The following LMF1 variants were observed in gnomAD, a reference collection of about 807,000 sequenced individuals.
The protein encoded by LMF1 is transmembrane protein 112.
LMF1 carries 68 observed loss-of-function variants against 60.6 expected under a neutral mutation model. The ratio of observed to expected loss-of-function variants is 1.12; its 90% CI spans 0.92 to 1.37. LMF1 has a LOEUF of 1.37. LMF1 is among the 40% of genes most tolerant of loss of function. The pLI is 0.00. For synonymous variants in LMF1, 418 were observed against 324.7 expected, an observed-to-expected ratio of 1.29 and a Z score of -3.09; for missense variants, 948 against 767.2, an observed-to-expected ratio of 1.24 and a Z score of -2.78.
chr16:929,651 G>C (rs1456807338), intron 3 of LMF1, among the ~76,000 whole-genome samples: 1 of 152,172 alleles, frequency 6.6e-6, no homozygotes, highest in Non-Finnish European at 1.5e-5. Flanking sequence ...CGGGGCTGCG[G>C]AATTCATTAC....
intron 1 of LMF1, among the ~76,000 whole-genome samples, chr16:969,347 C>T (rs2072991747): frequency 6.6e-6 from 1 of 151,938 alleles, no homozygotes; most frequent in Non-Finnish European, 1.5e-5. Context: ...AAAATAGTTG[C>T]TTTAAAGAAA....
intron 4 of LMF1, chr16:902,659 GTGTGGGGTGACCTCTGCACTGCC>G (rs1350745315): frequency 6.0e-6 from 1 of 167,626 alleles, no homozygotes; most frequent in Non-Finnish European, 1.3e-5. Context: ...TGTCTCTGCT[GTGTGGGGTGACCTCTGCACTGCC>G]TGTGGGGACG....
At chr16:880,881 G>A (rs898159559) in intron 5 of LMF1, among the ~76,000 whole-genome samples, 4 of 152,264 alleles carry the variant, frequency 2.6e-5, no homozygotes, top group African/African-American at 7.2e-5. Context: ...TGCACGCTCT[G>A]CTTGCCTTTG....
Position 854,246 on chromosome 16 carries a change from C to A in LMF1, c.*286G>T, listed in dbSNP as rs2069125503. ...CTCAACTCCTGTGGGCGGCACAGCC[C>A]CAGGCTGGGCCTCTGGGAGGAGGGT... On this transcript the variant is annotated 3_prime_UTR_variant, in exon 11 of 11. Coordinates refer to ENST00000262301, the MANE Select transcript of LMF1 (RefSeq NM_022773.4). 1 of 634,044 alleles carries A rather than the reference C, an allele frequency of 1.6e-6. No individual in the cohort carries two copies. Among genetic ancestry groups the A allele is most frequent in the Non-Finnish European group, 2.9e-6 (1 of 342,326 alleles). 39.3% of individuals were successfully genotyped at this position (634,044 alleles called of 1,614,324 possible).
At position 957,777 on chromosome 16, in the gene LMF1, C is replaced by G. The variant is rs144112625; in HGVS notation, c.194-3111G>C. Reference sequence around the variant, plus strand: ...AATGGAAGAGACGGCCCAGACACAGCCCCCCTGCCCCCGACCCGACACACA... The same window carrying G: ...AATGGAAGAGACGGCCCAGACACAGGCCCCCTGCCCCCGACCCGACACACA... On this transcript the variant is annotated intron_variant, in intron 1 of 10. Transcript: ENST00000262301. 3.6e-3 allele frequency among the ~76,000 whole-genome samples: 553 copies of G among 152,254 alleles called. 5 individuals carry two copies. The highest frequency in any genetic ancestry group is 0.013 in the African/African-American group (529 of 41,546).
rs914204431 is a variant in LMF1 at position 874,401 on chromosome 16, G to A, written c.898-3060C>T. Among the ~76,000 whole-genome samples the A allele has an allele frequency of 6.6e-6, 1 of 152,152 alleles. No individual in the cohort carries two copies. Among genetic ancestry groups the A allele is most frequent in the African/African-American group, 2.4e-5 (1 of 41,424 alleles). The stretch of plus-strand genomic sequence containing the variant: ...GCCCGCTGTGGGCAGGCGCCTCAGA[G>A]GTTCCAGACCTGAGCTCACCCCCTG... On this transcript the variant is annotated intron_variant, in intron 6 of 10. Transcript: ENST00000262301. This position sits in a 1 kb window ranked among gnomAD's most constrained non-coding sequence, Gnocchi z 4.1.
intron 10 of LMF1, chr16:855,121 C>T (rs182800320): frequency 4.1e-5 from 12 of 293,606 alleles, no homozygotes; most frequent in African/African-American, 1.9e-4. Context: ...CATGGTGTGG[C>T]GTCTCCACCA....
intron 2 of LMF1, chr16:947,557 G>T: frequency 2.2e-6 from 1 of 456,116 alleles, no homozygotes; most frequent in South Asian, 1.5e-5. Flanking sequence ...TCCTGCCCAG[G>T]AAGGAAGCTC....
intron 3 of LMF1, among the ~76,000 whole-genome samples, chr16:929,384 G>A (rs1480904406): frequency 6.6e-6 from 1 of 152,232 alleles, no homozygotes; most frequent in Non-Finnish European, 1.5e-5. Context: ...ACACTCAGGG[G>A]ATGGGGCCAA....
intron 5 of LMF1, among the ~76,000 whole-genome samples, chr16:887,954 G>C (rs905444746): frequency 6.6e-6 from 1 of 152,148 alleles, no homozygotes; most frequent in African/African-American, 2.4e-5. Context: ...CAGATCCAGG[G>C]GACCCCCGCC....
chr16:879,976 A>G (rs994203879), intron 5 of LMF1, among the ~76,000 whole-genome samples: 1 of 152,222 alleles, frequency 6.6e-6, no homozygotes, highest in African/African-American at 2.4e-5. Context: ...TTTACCATCT[A>G]AAAGCAAAGA....
chr16:918,300 C>A (rs984367217), intron 3 of LMF1, among the ~76,000 whole-genome samples: 3 of 152,210 alleles, frequency 2.0e-5, no homozygotes, highest in African/African-American at 7.2e-5. Flanking sequence ...CCGTGACAAC[C>A]AGACTTCCTA....
At chr16:970,001 C>G (rs2073007374) in intron 1 of LMF1, among the ~76,000 whole-genome samples, 1 of 152,296 alleles carries the variant, frequency 6.6e-6, no homozygotes, top group African/African-American at 2.4e-5. Flanking sequence ...GCTGCGCACG[C>G]GGGCCCCGCA....
rs115775024 is a variant in LMF1 at position 957,272 on chromosome 16, C to T, written c.194-2606G>A. Among the ~76,000 whole-genome samples, 128 of 152,334 alleles carry T rather than the reference C, an allele frequency of 8.4e-4. 1 individual carries two copies. The highest frequency in any genetic ancestry group is 3.0e-3 in the African/African-American group (123 of 41,572). The stretch of plus-strand genomic sequence containing the variant: ...GCGGCTTCCTACTGCGTGTAGGAAT[C>T]TGGCTTGGGGTCCATGTCTGTGTAA... On this transcript the variant is annotated intron_variant, in intron 1 of 10. Transcript: ENST00000262301.
At position 953,965 on chromosome 16, in the gene LMF1, C is replaced by CTT. The variant is rs1300855895; in HGVS notation, c.503+391_503+392insAA. Among the ~76,000 whole-genome samples the CTT allele has an allele frequency of 4.9e-5, 3 of 61,508 alleles. 1 individual carries two copies. The highest frequency in any genetic ancestry group is 1.1e-4 in the African/African-American group (2 of 18,184). 40.4% of individuals were successfully genotyped at this position (61,508 alleles called of 152,430 possible). A position where few individuals can be genotyped will look rare whatever the true frequency, so the allele number is the denominator to read the frequency against. On this transcript the variant is annotated intron_variant, in intron 2 of 10. Transcript: ENST00000262301. ...CACACAGACACCCACCCCAAACCAGCCTCCTACATGTCCACACAGACACCC... is the reference window on the plus strand; with the variant it reads ...CACACAGACACCCACCCCAAACCAGCTTCTCCTACATGTCCACACAGACACCC...
chr16:869,059 GGGAGGAGAGGTCGGGCT>G lies in LMF1; in HGVS notation c.1417-20_1417-4del, dbSNP rs1308350869. 1 of 1,602,386 alleles carries G rather than the reference GGGAGGAGAGGTCGGGCT, an allele frequency of 6.2e-7. No individual in the cohort carries two copies. Among genetic ancestry groups the G allele is most frequent in the Admixed American group, 1.7e-5 (1 of 60,012 alleles). ...ATCCAGTCGTTGTGCTCGTAGGTCT[GGGAGGAGAGGTCGGGCT>G]GGAGACGGCTGTGCCACTCGCTGTC... On this transcript the variant is annotated splice_polypyrimidine_tract_variant and splice_region_variant and intron_variant, in intron 9 of 10. Coordinates refer to ENST00000262301, the MANE Select transcript of LMF1 (RefSeq NM_022773.4).
intron 9 of LMF1, 198 bp downstream of exon 9, chr16:869,685 G>T: frequency 1.5e-6 from 1 of 672,250 alleles, no homozygotes. Context: ...CGGTGGGGCT[G>T]GGCTCCCACA....
At chr16:905,829 G>A (rs760403718) in intron 4 of LMF1, among the ~76,000 whole-genome samples, 1 of 151,944 alleles carries the variant, frequency 6.6e-6, no homozygotes, top group Non-Finnish European at 1.5e-5. Context: ...GTCTGGGCTT[G>A]AACTCCTGAG....
rs33941455 is a variant in LMF1 at position 861,354 on chromosome 16, C to CTTT, written c.1530-6651_1530-6649dup. Among the ~76,000 whole-genome samples, 145 of 92,434 alleles carry CTTT rather than the reference C, an allele frequency of 1.6e-3. 1 individual carries two copies. Among genetic ancestry groups the CTTT allele is most frequent in the Non-Finnish European group, 2.2e-3 (106 of 47,198 alleles). 60.6% of individuals were successfully genotyped at this position (92,434 alleles called of 152,430 possible). A position where few individuals can be genotyped will look rare whatever the true frequency, so the allele number is the denominator to read the frequency against. ...CTGAACTCACTTATTAATTTTCTTT[C>CTTT]TTTTTTTTTTTTTTTTTTTTTGAGA... On this transcript the variant is annotated intron_variant, in intron 10 of 10. Coordinates refer to ENST00000262301, the MANE Select transcript of LMF1 (RefSeq NM_022773.4).
Sources: allele counts gnomAD v4.1 joint callset (sites outside exome capture counted in the v4.1 genomes callset), GRCh38; gene constraint gnomAD v4.1.1; non-coding constraint Gnocchi (gnomAD v3.1); transcripts MANE v1.5; gene names NCBI Gene and HGNC (gene_info 2026-07-23, HGNC 2026-07-21).